Variants in TSHZ2 observed in about 807,000 individuals in gnomAD.
The protein encoded by TSHZ2 is teashirt zinc finger homeobox 2.
In TSHZ2, 21 loss-of-function variants were observed where a neutral mutation model predicts 74.4. The observed-to-expected ratio is 0.28, with a 90% confidence interval of 0.20 to 0.41. The LOEUF (loss-of-function observed/expected upper bound fraction) is 0.41, where lower values mean the gene tolerates loss of function less well. Among genes scored for constraint, TSHZ2 ranks in the 10% least tolerant of loss-of-function variants. The probability of loss-of-function intolerance (pLI) is 1.00; values close to 1 mark genes in which losing one functional copy is unlikely to be tolerated. For synonymous variants in TSHZ2, 540 were observed against 515.3 expected, an observed-to-expected ratio of 1.05 and a Z score of -0.65; for missense variants, 1,244 against 1,293.5, an observed-to-expected ratio of 0.96 and a Z score of 0.59.
At chr20:53,462,100 A>G (rs973592550) in intron 2 of TSHZ2, among the ~76,000 whole-genome samples, 6 of 152,062 alleles carry the variant, frequency 3.9e-5, no homozygotes, top group African/African-American at 1.4e-4. Context: ...AAAAAAGAAA[A>G]AAAACTAGCA....
intron 2 of TSHZ2, among the ~76,000 whole-genome samples, chr20:53,374,118 G>C (rs6022428): frequency 6.6e-6 from 1 of 152,226 alleles, no homozygotes; most frequent in Admixed American, 6.5e-5. Flanking sequence ...GTATCCAATA[G>C]GTAGTTTTTG....
At chr20:53,336,429 G>C (rs1036781887) in intron 2 of TSHZ2, among the ~76,000 whole-genome samples, 2 of 152,176 alleles carry the variant, frequency 1.3e-5, no homozygotes, top group African/African-American at 4.8e-5. Flanking sequence ...TATAAGATGT[G>C]TCATTATTTA....
intron 2 of TSHZ2, among the ~76,000 whole-genome samples, chr20:53,325,984 T>C (rs931394143): frequency 3.3e-5 from 5 of 152,158 alleles, no homozygotes; most frequent in African/African-American, 7.2e-5. Flanking sequence ...GATTTTACCA[T>C]GTTGGCTAGG....
chr20:53,064,800 G>A (rs1272995318), intron 1 of TSHZ2, among the ~76,000 whole-genome samples: 1 of 152,026 alleles, frequency 6.6e-6, no homozygotes, highest in Non-Finnish European at 1.5e-5. Context: ...GTCTATGTGT[G>A]GATATCTGGA....
At chr20:53,333,867 C>A (rs1979833008) in intron 2 of TSHZ2, among the ~76,000 whole-genome samples, 2 of 152,214 alleles carry the variant, frequency 1.3e-5, no homozygotes, top group Admixed American at 6.5e-5. Flanking sequence ...TGCATCTCCA[C>A]TTGGTAACAG....
intron 2 of TSHZ2, among the ~76,000 whole-genome samples, chr20:53,464,281 G>A (rs947129825): frequency 6.6e-5 from 10 of 152,170 alleles, no homozygotes; most frequent in African/African-American, 1.4e-4. Context: ...TGACAAGAGG[G>A]ATCTAAGAGA....
At chr20:53,026,310 G>C (rs570815761) in intron 1 of TSHZ2, among the ~76,000 whole-genome samples, 1 of 151,674 alleles carries the variant, frequency 6.6e-6, no homozygotes, top group South Asian at 2.1e-4. Context: ...GTAGCCCCAA[G>C]ATACCTGCAG....
At chr20:53,217,094 T>G (rs943644501) in intron 1 of TSHZ2, among the ~76,000 whole-genome samples, 1 of 152,202 alleles carries the variant, frequency 6.6e-6, no homozygotes, top group African/African-American at 2.4e-5. Context: ...AAAGTCACAT[T>G]GCTGGTGATG....
chr20:53,273,177 T>C (rs1600782197), intron 2 of TSHZ2, among the ~76,000 whole-genome samples: 1 of 152,202 alleles, frequency 6.6e-6, no homozygotes, highest in East Asian at 1.9e-4. Context: ...GCTAAGAACT[T>C]TGGATTTTTT....
intron 1 of TSHZ2, among the ~76,000 whole-genome samples, chr20:52,998,358 C>T (rs552337003): frequency 1.0e-3 from 152 of 152,186 alleles, no homozygotes; most frequent in African/African-American, 3.4e-3. Context: ...CAGTAGAGAC[C>T]GGGTTTCGCC....
At chr20:52,975,453 A>G (rs1313782397) in intron 1 of TSHZ2, among the ~76,000 whole-genome samples, 1 of 152,052 alleles carries the variant, frequency 6.6e-6, no homozygotes, top group Non-Finnish European at 1.5e-5. Flanking sequence ...CATTATTTAA[A>G]TCAGGTCCTT....
At chr20:53,170,652 G>A (rs1347753729) in intron 1 of TSHZ2, among the ~76,000 whole-genome samples, 1 of 152,222 alleles carries the variant, frequency 6.6e-6, no homozygotes, top group Non-Finnish European at 1.5e-5. Context: ...CCAGACGCTG[G>A]CAAATGTAAC....
intron 1 of TSHZ2, among the ~76,000 whole-genome samples, chr20:53,098,366 TC>T (rs1470224118): frequency 6.6e-6 from 1 of 152,186 alleles, no homozygotes; most frequent in African/African-American, 2.4e-5. Context: ...AAGGAAACAG[TC>T]AAAAAATTAT....
chr20:53,118,227 G>A (rs1986720845), intron 1 of TSHZ2, among the ~76,000 whole-genome samples: 2 of 152,056 alleles, frequency 1.3e-5, no homozygotes, highest in African/African-American at 2.4e-5. Context: ...GGTTAGTGAG[G>A]GAAGATTTAG....
chr20:52,991,267 GC>G (rs1276648337), intron 1 of TSHZ2, among the ~76,000 whole-genome samples: 1 of 145,870 alleles, frequency 6.9e-6, no homozygotes, highest in Admixed American at 6.9e-5. Flanking sequence ...GAGTGTGAAA[GC>G]TTTTCTGATG....
At chr20:53,457,910 C>T (rs1471104762) in intron 2 of TSHZ2, among the ~76,000 whole-genome samples, 25 of 149,122 alleles carry the variant, frequency 1.7e-4, no homozygotes, top group African/African-American at 5.9e-4. Context: ...GGATGAAGCC[C>T]ACTTGATCAT....
chr20:53,304,179 A>T (rs8119280), intron 2 of TSHZ2, among the ~76,000 whole-genome samples: 77,422 of 110,702 alleles, frequency 0.7, 27,041 homozygotes, highest in African/African-American at 0.84. Context: ...CCTAAAGCTA[A>T]CCCTCCCCCC....
chr20:53,061,437 G>C (rs1239602015), intron 1 of TSHZ2, among the ~76,000 whole-genome samples: 1 of 152,166 alleles, frequency 6.6e-6, no homozygotes, highest in African/African-American at 2.4e-5. Context: ...GATCATAAGA[G>C]ATGAAAAGGA....
At chr20:53,423,423 C>A (rs980858819) in intron 2 of TSHZ2, among the ~76,000 whole-genome samples, 8 of 152,052 alleles carry the variant, frequency 5.3e-5, no homozygotes, top group African/African-American at 1.7e-4. Context: ...GATATTTGAA[C>A]CTTGGTGTGC....
Sources: allele counts gnomAD v4.1 joint callset (sites outside exome capture counted in the v4.1 genomes callset), GRCh38; gene constraint gnomAD v4.1.1; transcripts MANE v1.5; gene names NCBI Gene and HGNC (gene_info 2026-07-23, HGNC 2026-07-21).